TTC29: variants seen among roughly 807,000 people sequenced by gnomAD.
TTC29 encodes the protein tetratricopeptide repeat domain 29.
In TTC29, 49 loss-of-function variants were observed where a neutral mutation model predicts 58.1. The ratio of observed to expected loss-of-function variants is 0.84; its 90% CI spans 0.67 to 1.07. The LOEUF is 1.07. Ranked by LOEUF, TTC29 falls within the 50% of genes least tolerant of loss-of-function variation. The pLI is 0.00. For synonymous variants in TTC29, 209 were observed against 196.8 expected (o/e 1.06, Z -0.52); for missense variants, 582 against 555.6 (o/e 1.05, Z -0.48).
chr4:146,846,735 T>TGAACAGCG (rs879485258), intron 8 of TTC29, among the ~76,000 whole-genome samples: 1 of 152,208 alleles, frequency 6.6e-6, no homozygotes, highest in Non-Finnish European at 1.5e-5. Context: ...CTGATTACCA[T>TGAACAGCG]GAGGAAATCT....
At chr4:146,783,936 G>A (rs1433957257) in intron 11 of TTC29, among the ~76,000 whole-genome samples, 1 of 151,828 alleles carries the variant, frequency 6.6e-6, no homozygotes, top group African/African-American at 2.4e-5. Flanking sequence ...ACTCTCAAAT[G>A]GTATGTCTAA....
rs1742006264 is a variant in TTC29, at chr4:146,707,091, A to G, written c.*67T>C. The G allele has an allele frequency of 2.5e-6, 3 of 1,181,834 alleles. No homozygotes were observed. Among genetic ancestry groups the G allele is most frequent in the South Asian group, 3.3e-5 (2 of 60,638 alleles). 73.2% of individuals were successfully genotyped at this position (1,181,834 alleles called of 1,614,324 possible). Reference sequence around the variant, plus strand: ...ATATTATCTGTAACATGCTCCTATTACAAGTATTGAAGTCTAAGGTGACAT... The same window carrying G: ...ATATTATCTGTAACATGCTCCTATTGCAAGTATTGAAGTCTAAGGTGACAT... On this transcript the variant is annotated 3_prime_UTR_variant, in exon 13 of 13. Coordinates refer to ENST00000325106, the MANE Select transcript of TTC29 (RefSeq NM_031956.4).
At chr4:146,707,420 G>A (rs1742039947) in intron 12 of TTC29, 65 bp downstream of exon 12, 2 of 1,173,294 alleles carry the variant, frequency 1.7e-6, no homozygotes, top group Non-Finnish European at 2.5e-6. Flanking sequence ...TGGAGAATGA[G>A]ATTATGCTTA....
At chr4:146,853,211 T>C (rs1305028300) in intron 8 of TTC29, among the ~76,000 whole-genome samples, 1 of 152,140 alleles carries the variant, frequency 6.6e-6, no homozygotes. Flanking sequence ...AGAATACAGA[T>C]ACCAATCTCC....
chr4:146,863,643 T>G (rs1027733866), intron 8 of TTC29, among the ~76,000 whole-genome samples: 1 of 152,206 alleles, frequency 6.6e-6, no homozygotes, highest in African/African-American at 2.4e-5. Context: ...TGTTACTTAT[T>G]GTAAGGTACT....
intron 6 of TTC29, among the ~76,000 whole-genome samples, chr4:146,896,666 A>G (rs1732789073): frequency 6.6e-6 from 1 of 152,126 alleles, no homozygotes; most frequent in Non-Finnish European, 1.5e-5. Context: ...TTCCTCAGGA[A>G]CTTCCATATT....
intron 6 of TTC29, among the ~76,000 whole-genome samples, chr4:146,884,579 T>C (rs1459148045): frequency 6.6e-6 from 1 of 152,094 alleles, no homozygotes; most frequent in Non-Finnish European, 1.5e-5. Flanking sequence ...AAAAATTTCC[T>C]CCAGAGGGAC....
At chr4:146,759,043 C>A (rs1275667075) in intron 11 of TTC29, among the ~76,000 whole-genome samples, 1 of 151,862 alleles carries the variant, frequency 6.6e-6, no homozygotes, top group African/African-American at 2.4e-5. Flanking sequence ...ATAAAGGAAA[C>A]AAAGAGCTGG....
rs1334021950 is a variant in TTC29, at chr4:146,930,118, T to TATATATAC, written c.176+7475_176+7476insGTATATAT. Among the ~76,000 whole-genome samples, 991 of 128,506 alleles carry TATATATAC rather than the reference T, an allele frequency of 7.7e-3. 4 individuals carry two copies. Among genetic ancestry groups the TATATATAC allele is most frequent in the East Asian group, 0.014 (57 of 4,148 alleles). The allele number at this position is 128,506 out of a possible 152,430, so 84.3% of individuals were successfully genotyped here. On this transcript the variant is annotated intron_variant, in intron 4 of 12. Transcript: ENST00000325106. ...ATATATATATATATATATATATATA[T>TATATATAC]ACACACATATATATCTTGATAAGTT...
At chr4:146,721,665 A>C (rs942970335) in intron 11 of TTC29, among the ~76,000 whole-genome samples, 1 of 152,114 alleles carries the variant, frequency 6.6e-6, no homozygotes, top group Non-Finnish European at 1.5e-5. Context: ...TCTATTCTTA[A>C]AAGTTTATAT....
At chr4:146,928,891 T>A (rs1251314923) in intron 4 of TTC29, among the ~76,000 whole-genome samples, 1 of 152,124 alleles carries the variant, frequency 6.6e-6, no homozygotes, top group African/African-American at 2.4e-5. Flanking sequence ...GAGCCAAAGG[T>A]TTCCTAGCAT....
chr4:146,818,634 C>T (rs555159330), intron 10 of TTC29, among the ~76,000 whole-genome samples: 27 of 152,242 alleles, frequency 1.8e-4, no homozygotes, highest in Non-Finnish European at 3.2e-4. Context: ...CACATGCACT[C>T]GTATGTTTAT....
intron 10 of TTC29, among the ~76,000 whole-genome samples, chr4:146,814,468 G>C (rs13149141): frequency 0.37 from 55,542 of 149,578 alleles, 11,341 homozygotes; most frequent in African/African-American, 0.51. Flanking sequence ...TGGCTCATAC[G>C]TATAATCCCA....
intron 9 of TTC29, among the ~76,000 whole-genome samples, chr4:146,827,209 C>A (rs1281875076): frequency 6.6e-6 from 1 of 152,154 alleles, no homozygotes; most frequent in Non-Finnish European, 1.5e-5. Flanking sequence ...CCACACCACA[C>A]TGCTCTTCCC....
chr4:146,910,299 C>A (rs1030868148), intron 4 of TTC29, among the ~76,000 whole-genome samples: 1 of 151,700 alleles, frequency 6.6e-6, no homozygotes, highest in African/African-American at 2.4e-5. Flanking sequence ...CTCTAGGAAC[C>A]AAATGAAATT....
chr4:146,933,209 T>C (rs996951524), intron 4 of TTC29, among the ~76,000 whole-genome samples: 12 of 152,216 alleles, frequency 7.9e-5, no homozygotes, highest in African/African-American at 2.7e-4. Context: ...AAATAAGATG[T>C]TCGGAAAGAA....
At chr4:146,914,350 T>G (rs1182716058) in intron 4 of TTC29, among the ~76,000 whole-genome samples, 1 of 152,312 alleles carries the variant, frequency 6.6e-6, no homozygotes, top group East Asian at 1.9e-4. Context: ...TTAATCATTA[T>G]TTCATTTGGC....
intron 8 of TTC29, among the ~76,000 whole-genome samples, chr4:146,841,559 A>G (rs1450917201): frequency 7.2e-6 from 1 of 139,640 alleles, no homozygotes; most frequent in Non-Finnish European, 1.5e-5. Flanking sequence ...AACTTCAGTG[A>G]ACACGAATAT....
chr4:146,796,263 T>C (rs1412314170), intron 11 of TTC29, among the ~76,000 whole-genome samples: 1 of 151,746 alleles, frequency 6.6e-6, no homozygotes, highest in African/African-American at 2.4e-5. Context: ...TTTCATTAGT[T>C]TTTAGGATTA....
Sources: allele counts gnomAD v4.1 joint callset (sites outside exome capture counted in the v4.1 genomes callset), GRCh38; gene constraint gnomAD v4.1.1; transcripts MANE v1.5; gene names NCBI Gene and HGNC (gene_info 2026-07-23, HGNC 2026-07-21).